Variants in MAML3 observed in about 807,000 individuals in gnomAD.
The protein encoded by MAML3 is mastermind-like protein 3.
A neutral mutation model predicts 101.9 loss-of-function variants in MAML3; 27 were observed. That is an observed-to-expected ratio of 0.27 (90% confidence interval 0.20 to 0.37). MAML3 has a LOEUF of 0.37. MAML3 is among the 10% of genes least tolerant of loss of function. The probability of loss-of-function intolerance (pLI) is 1.00; values close to 1 mark genes in which losing one functional copy is unlikely to be tolerated. For missense variants in MAML3, 1,316 were observed against 1,444.9 expected, an observed-to-expected ratio of 0.91 and a Z score of 1.45; for synonymous variants, 501 against 555.9, an observed-to-expected ratio of 0.90 and a Z score of 1.39.
intron 2 of MAML3, among the ~76,000 whole-genome samples, chr4:139,783,655 G>A (rs1053412542): frequency 6.6e-6 from 1 of 152,098 alleles, no homozygotes; most frequent in Non-Finnish European, 1.5e-5. Context: ...ACTGTCTCTC[G>A]GCATCATTCT....
At chr4:140,097,021 C>T (rs1728176174) in intron 1 of MAML3, among the ~76,000 whole-genome samples, 1 of 152,020 alleles carries the variant, frequency 6.6e-6, no homozygotes, top group Non-Finnish European at 1.5e-5. Flanking sequence ...ATTAAGTAGC[C>T]ACGGCACAGG....
intron 1 of MAML3, among the ~76,000 whole-genome samples, chr4:140,034,322 T>TA (rs1726951931): frequency 6.6e-6 from 1 of 152,230 alleles, no homozygotes; most frequent in South Asian, 2.1e-4. Flanking sequence ...TGATTTGACT[T>TA]AGACAGAAAT....
chr4:140,104,059 T>C (rs1242915113), intron 1 of MAML3, among the ~76,000 whole-genome samples: 1 of 152,020 alleles, frequency 6.6e-6, no homozygotes, highest in African/African-American at 2.4e-5. Flanking sequence ...CACTCACTTC[T>C]GTTTTTAATA....
intron 1 of MAML3, among the ~76,000 whole-genome samples, chr4:140,113,742 T>G (rs951498561): frequency 5.9e-5 from 9 of 152,356 alleles, no homozygotes; most frequent in Admixed American, 5.9e-4. Flanking sequence ...AATGCCAGTT[T>G]GTCTACCCAA....
At chr4:140,043,714 G>T (rs1254710140) in intron 1 of MAML3, among the ~76,000 whole-genome samples, 1 of 152,184 alleles carries the variant, frequency 6.6e-6, no homozygotes, top group Non-Finnish European at 1.5e-5. Flanking sequence ...TGCCCACCTA[G>T]ATTCAGCTCT....
chr4:140,024,867 T>G (rs1483915525), intron 1 of MAML3, among the ~76,000 whole-genome samples: 1 of 152,206 alleles, frequency 6.6e-6, no homozygotes, highest in African/African-American at 2.4e-5. Context: ...CTGAGTAGGC[T>G]GCAGAATCTT....
chr4:139,980,874 T>C (rs192816020), intron 1 of MAML3, among the ~76,000 whole-genome samples: 1 of 152,330 alleles, frequency 6.6e-6, no homozygotes, highest in Non-Finnish European at 1.5e-5. Flanking sequence ...TAAAATAAGC[T>C]ACTGCGGTAG....
intron 1 of MAML3, among the ~76,000 whole-genome samples, chr4:140,016,271 T>A (rs925940286): frequency 2.0e-5 from 3 of 152,030 alleles, no homozygotes; most frequent in African/African-American, 4.8e-5. Flanking sequence ...AAAATTCTGA[T>A]GAAAAAAACC....
chr4:139,785,364 G>A lies in MAML3; in HGVS notation c.2080-54697C>T, dbSNP rs1359971723. 6.6e-6 allele frequency among the ~76,000 whole-genome samples: 1 copy of A among 152,346 alleles called. No individual in the cohort carries two copies. Among genetic ancestry groups the A allele is most frequent in the African/African-American group, 2.4e-5 (1 of 41,582 alleles). ...GGGCAGAAAATAAAATGACAGCAGA[G>A]CTGTATTCCTAATTCCCCTGGAAGG... On this transcript the variant is annotated intron_variant, in intron 2 of 4. Transcript: ENST00000509479. This position sits in a 1 kb window ranked among gnomAD's most constrained non-coding sequence, Gnocchi z 4.3.
intron 1 of MAML3, among the ~76,000 whole-genome samples, chr4:140,041,900 G>C (rs1727092387): frequency 6.6e-6 from 1 of 152,158 alleles, no homozygotes; most frequent in Non-Finnish European, 1.5e-5. Flanking sequence ...TAATAGAGAA[G>C]TTCTTAGTAA....
intron 1 of MAML3, among the ~76,000 whole-genome samples, chr4:139,967,557 A>G (rs562590132): frequency 3.6e-4 from 54 of 151,434 alleles, no homozygotes; most frequent in Non-Finnish European, 6.5e-4. Context: ...GAGATCTGCC[A>G]TCATGAGGTT....
At chr4:139,728,535 T>C (rs1728568594) in intron 3 of MAML3, among the ~76,000 whole-genome samples, 1 of 152,316 alleles carries the variant, frequency 6.6e-6, no homozygotes, top group African/African-American at 2.4e-5. Context: ...TAGTGGTTTT[T>C]CCAAAATCAC....
At chr4:140,012,306 A>G (rs1391680494) in intron 1 of MAML3, among the ~76,000 whole-genome samples, 1 of 152,222 alleles carries the variant, frequency 6.6e-6, no homozygotes, top group Non-Finnish European at 1.5e-5. Flanking sequence ...GTGTCAGAGG[A>G]CATAAATTAT....
In MAML3 at chr4:139,719,292, C is replaced by G. The variant is rs1001527138; in HGVS notation, c.*31G>C. ...TTTTTCACTTTTTAAGCTTTAACCA[C>G]TCGAGTTGTGGATCTTGGGGCCTCT... is the stretch of plus-strand genomic sequence containing the variant. On this transcript the variant is annotated 3_prime_UTR_variant, in exon 5 of 5. Transcript: ENST00000509479. The G allele has an allele frequency of 1.3e-6, 2 of 1,533,812 alleles. No homozygotes were observed. Among genetic ancestry groups the G allele is most frequent in the Admixed American group, 4.2e-5 (2 of 47,230 alleles).
intron 2 of MAML3, among the ~76,000 whole-genome samples, chr4:139,833,198 G>T (rs571378926): frequency 1.3e-5 from 2 of 152,280 alleles, no homozygotes; most frequent in East Asian, 3.9e-4. Flanking sequence ...ACACAAACAC[G>T]CAAGTTAGCC....
intron 1 of MAML3, among the ~76,000 whole-genome samples, chr4:140,070,983 G>T (rs976004031): frequency 1.3e-5 from 2 of 152,210 alleles, no homozygotes; most frequent in African/African-American, 4.8e-5. Context: ...CGTGGGCACT[G>T]CCAAACTTCC....
intron 1 of MAML3, among the ~76,000 whole-genome samples, chr4:139,988,326 C>CAAAAAA (rs764018702): frequency 1.9e-3 from 157 of 81,230 alleles, no homozygotes; most frequent in Middle Eastern, 6.7e-3. Flanking sequence ...GACTCCGTCT[C>CAAAAAA]AAAAAAAAAA....
chr4:140,045,651 T>C (rs1489258058), intron 1 of MAML3, among the ~76,000 whole-genome samples: 1 of 152,196 alleles, frequency 6.6e-6, no homozygotes, highest in South Asian at 2.1e-4. Flanking sequence ...TACTATATAA[T>C]GTTTTCACAC....
At chr4:139,948,101 A>AAAATAAATAAATAAATAAAT (rs59043940) in intron 1 of MAML3, among the ~76,000 whole-genome samples, 20 of 143,140 alleles carry the variant, frequency 1.4e-4, no homozygotes, top group African/African-American at 3.9e-4. Context: ...ACTCCATCTC[A>AAAATAAATAAATAAATAAAT]AAATAAATAA....
Sources: gnomAD v4.1 joint callset for allele counts (sites outside exome capture counted in the v4.1 genomes callset) on GRCh38, gnomAD v4.1.1 for gene constraint, Gnocchi (gnomAD v3.1) non-coding constraint, MANE v1.5 for transcripts, NCBI Gene and HGNC (gene_info 2026-07-23, HGNC 2026-07-21) for gene names.